The following RTN4RL1 variants were observed in gnomAD, a reference collection of about 807,000 sequenced individuals.
RTN4RL1 encodes reticulon 4 receptor like 1.
Under a neutral mutation model 25.6 loss-of-function variants are expected in RTN4RL1, and 7 were observed. The ratio of observed to expected loss-of-function variants is 0.27; its 90% confidence interval spans 0.16 to 0.51. The LOEUF (loss-of-function observed/expected upper bound fraction) is 0.51. RTN4RL1 is among the 20% of genes least tolerant of loss of function. The pLI is 0.97. For synonymous variants in RTN4RL1, 297 were observed against 288.2 expected, an observed-to-expected ratio of 1.03 and a Z score of -0.31; for missense variants, 500 against 615.6, an observed-to-expected ratio of 0.81 and a Z score of 1.99.
intron 1 of RTN4RL1, among the ~76,000 whole-genome samples, chr17:2,015,249 A>G (rs2067105318): frequency 6.6e-6 from 1 of 152,148 alleles, no homozygotes; most frequent in Non-Finnish European, 1.5e-5. Context: ...GGGTGGCTGG[A>G]GAGCAATGGT....
rs1370326803 is a variant in RTN4RL1 at position 1,994,030 on chromosome 17, C to T, written c.13+30823G>A. Among the ~76,000 whole-genome samples the T allele has an allele frequency of 6.6e-6, 1 of 152,148 alleles. No individual in the cohort carries two copies. The highest frequency in any genetic ancestry group is 1.5e-5 in the Non-Finnish European group (1 of 68,010). Reference sequence around the variant, plus strand: ...CAGCAGAACTGGTAGAAAAACAAAGCCCCCCAGTCCCCACCCCCGGCTACG... The same window carrying T: ...CAGCAGAACTGGTAGAAAAACAAAGTCCCCCAGTCCCCACCCCCGGCTACG... On this transcript the variant is annotated intron_variant, in intron 1 of 1. Transcript: ENST00000331238. The surrounding 1 kb of genome is among the most constrained non-coding windows in gnomAD (Gnocchi z 4.3).
At chr17:1,991,406 C>A (rs1024565917) in intron 1 of RTN4RL1, among the ~76,000 whole-genome samples, 1 of 142,972 alleles carries the variant, frequency 7.0e-6, no homozygotes, top group Non-Finnish European at 1.5e-5. Flanking sequence ...GAACCTCCCC[C>A]AACTTTCTTT....
At chr17:1,960,879 C>T (rs997496247) in intron 1 of RTN4RL1, among the ~76,000 whole-genome samples, 1 of 152,150 alleles carries the variant, frequency 6.6e-6, no homozygotes, top group Non-Finnish European at 1.5e-5. Context: ...GGACCATCTC[C>T]TTCTTAACAT....
intron 1 of RTN4RL1, among the ~76,000 whole-genome samples, chr17:1,947,867 G>A (rs891194432): frequency 2.6e-5 from 4 of 152,218 alleles, no homozygotes; most frequent in Non-Finnish European, 4.4e-5. Flanking sequence ...CCTTGGGACA[G>A]GCGCTCAGTC....
intron 1 of RTN4RL1, among the ~76,000 whole-genome samples, chr17:2,012,692 C>T (rs1403414741): frequency 6.6e-6 from 1 of 151,988 alleles, no homozygotes; most frequent in Non-Finnish European, 1.5e-5. Context: ...TGTGGTCCAA[C>T]CTATGTACAA....
intron 1 of RTN4RL1, among the ~76,000 whole-genome samples, chr17:1,972,628 A>C (rs2066825352): frequency 6.6e-6 from 1 of 151,874 alleles, no homozygotes; most frequent in Non-Finnish European, 1.5e-5. Flanking sequence ...CCTGCCCCAG[A>C]CTCGTGCCTG....
At chr17:1,947,865 C>G (rs538603372) in intron 1 of RTN4RL1, among the ~76,000 whole-genome samples, 1 of 152,358 alleles carries the variant, frequency 6.6e-6, no homozygotes, top group South Asian at 2.1e-4. Context: ...GACCTTGGGA[C>G]AGGCGCTCAG....
chr17:2,012,188 G>C (rs2067058660), intron 1 of RTN4RL1, among the ~76,000 whole-genome samples: 1 of 152,346 alleles, frequency 6.6e-6, no homozygotes, highest in East Asian at 1.9e-4. Context: ...GGAGTCGATA[G>C]TACAAATTTT....
At chr17:1,983,162 TAGCTGGGATTAC>T (rs1431516253) in intron 1 of RTN4RL1, among the ~76,000 whole-genome samples, 6 of 152,092 alleles carry the variant, frequency 3.9e-5, no homozygotes, top group East Asian at 1.9e-4. Flanking sequence ...GCGATTACAG[TAGCTGGGATTAC>T]AGCTGGGATT....
intron 1 of RTN4RL1, among the ~76,000 whole-genome samples, chr17:1,953,176 G>A (rs1915720950): frequency 1.3e-5 from 2 of 152,118 alleles, no homozygotes; most frequent in African/African-American, 2.4e-5. Flanking sequence ...GGGCGGCAAA[G>A]ATGGGAGGAT....
chr17:1,945,936 A>G (rs1416708777), intron 1 of RTN4RL1, among the ~76,000 whole-genome samples: 1 of 152,044 alleles, frequency 6.6e-6, no homozygotes, highest in African/African-American at 2.4e-5. Context: ...GGCTCCTAGC[A>G]GGCGCTCCAT....
intron 1 of RTN4RL1, among the ~76,000 whole-genome samples, chr17:1,960,930 G>A (rs1915882075): frequency 6.6e-6 from 1 of 152,166 alleles, no homozygotes; most frequent in African/African-American, 2.4e-5. Context: ...TCCAGCCGAT[G>A]CCCACGGCCC....
At chr17:1,957,894 A>T (rs565180699) in intron 1 of RTN4RL1, among the ~76,000 whole-genome samples, 278 of 136,484 alleles carry the variant, frequency 2.0e-3, no homozygotes, top group African/African-American at 7.3e-3. Flanking sequence ...ACAAAGTGAG[A>T]TGGTGGGTTG....
chr17:1,971,960 T>TCAAAAAAAAAAAAA (rs2066822160), intron 1 of RTN4RL1, among the ~76,000 whole-genome samples: 1 of 53,174 alleles, frequency 1.9e-5, no homozygotes, highest in Non-Finnish European at 4.1e-5. Context: ...AGACTCCCTC[T>TCAAAAAAAAAAAAA]CAAAAAAAAA....
chr17:1,963,648 C>G (rs1171545602), intron 1 of RTN4RL1, among the ~76,000 whole-genome samples: 1 of 152,238 alleles, frequency 6.6e-6, no homozygotes, highest in African/African-American at 2.4e-5. Flanking sequence ...TGGGAATTTG[C>G]ACTTCACCAT....
At chr17:1,991,446 T>TAAAAAAA (rs764604442) in intron 1 of RTN4RL1, among the ~76,000 whole-genome samples, 3 of 31,230 alleles carry the variant, frequency 9.6e-5, no homozygotes, top group African/African-American at 2.4e-4. Context: ...ATGCACATAG[T>TAAAAAAA]AAAAAAAAAA....
At chr17:1,948,122 C>A (rs552633364) in intron 1 of RTN4RL1, among the ~76,000 whole-genome samples, 1 of 152,328 alleles carries the variant, frequency 6.6e-6, no homozygotes, top group East Asian at 1.9e-4. Flanking sequence ...ATATCAGATG[C>A]CGAGAAGGGG....
At chr17:2,024,740 G>C in intron 1 of RTN4RL1, 113 bp downstream of exon 1, 2 of 1,101,032 alleles carry the variant, frequency 1.8e-6, no homozygotes, top group Non-Finnish European at 2.5e-6. Flanking sequence ...AAACCCACCA[G>C]CCCGCCGGGG....
intron 1 of RTN4RL1, among the ~76,000 whole-genome samples, chr17:2,022,100 A>C (rs1313230622): frequency 6.6e-6 from 1 of 151,376 alleles, no homozygotes. Context: ...AGATCACTTG[A>C]GACCAGGAGT....
Sources: allele counts gnomAD v4.1 joint callset (sites outside exome capture counted in the v4.1 genomes callset), GRCh38; gene constraint gnomAD v4.1.1; non-coding constraint Gnocchi (gnomAD v3.1); transcripts MANE v1.5; gene names NCBI Gene and HGNC (gene_info 2026-07-23, HGNC 2026-07-21).